SCMH1: variants seen among roughly 807,000 people sequenced by gnomAD.
SCMH1 encodes the protein Scm polycomb group protein homolog 1.
SCMH1 carries 37 observed loss-of-function variants against 70.8 expected under a neutral mutation model. That is an observed-to-expected ratio of 0.52 (90% CI 0.40 to 0.69). SCMH1 has a LOEUF of 0.69. Ranked by LOEUF, SCMH1 falls within the 30% of genes least tolerant of loss-of-function variation. SCMH1 has a pLI of 0.00. For synonymous variants in SCMH1, 292 were observed against 307.4 expected (o/e 0.95, Z 0.52); for missense variants, 607 against 827.3 (o/e 0.73, Z 3.27).
chr1:41,060,063 G>A (rs1461709851), intron 10 of SCMH1, among the ~76,000 whole-genome samples: 1 of 151,208 alleles, frequency 6.6e-6, no homozygotes, highest in African/African-American at 2.4e-5. Context: ...TATAACAGAT[G>A]TAATCTATAT....
intron 8 of SCMH1, among the ~76,000 whole-genome samples, chr1:41,094,920 A>T (rs551831755): frequency 6.6e-6 from 1 of 151,952 alleles, no homozygotes; most frequent in South Asian, 2.1e-4. Flanking sequence ...TTTCCTAGAC[A>T]GCCATATCTC....
chr1:41,027,427 T>TGG (rs2148469236), exon 15 of SCMH1: 1 of 152,288 alleles, frequency 6.6e-6, no homozygotes, highest in South Asian at 2.1e-4. Flanking sequence ...GGAGCTGTGG[T>TGG]GGGGGCAGTA....
Position 41,042,832 on chromosome 1 carries a change from G to C in SCMH1, c.1498+3575C>G, listed in dbSNP as rs182663672. The stretch of plus-strand genomic sequence containing the variant: ...TAGTATAGAATCGGGCACAGAGTAA[G>C]TATTTGTAAATATTTGATGACCTAA... On this transcript the variant is annotated intron_variant, in intron 12 of 14. Transcript: ENST00000337495. 3.0e-4 allele frequency among the ~76,000 whole-genome samples: 46 copies of C among 152,136 alleles called. 1 individual carries two copies. The highest frequency in any genetic ancestry group is 9.4e-4 in the African/African-American group (39 of 41,472).
chr1:41,094,559 TCTCC>T (rs1419307163), intron 8 of SCMH1, among the ~76,000 whole-genome samples: 1 of 151,976 alleles, frequency 6.6e-6, no homozygotes, highest in Non-Finnish European at 1.5e-5. Context: ...AGAATTTCTT[TCTCC>T]CTCTTAGTGG....
chr1:41,053,647 T>G (rs1013765946), intron 10 of SCMH1, among the ~76,000 whole-genome samples: 12 of 152,194 alleles, frequency 7.9e-5, no homozygotes, highest in African/African-American at 2.7e-4. Context: ...TTGTGGTGGT[T>G]GTTACATGGC....
intron 8 of SCMH1, among the ~76,000 whole-genome samples, chr1:41,092,668 A>G (rs1346594351): frequency 6.6e-6 from 1 of 152,234 alleles, no homozygotes; most frequent in Non-Finnish European, 1.5e-5. Flanking sequence ...ACTTAAACAA[A>G]TTTACAAGAA....
intron 10 of SCMH1, 64 bp downstream of exon 10, chr1:41,070,531 C>T: frequency 7.5e-6 from 12 of 1,593,736 alleles, no homozygotes; most frequent in Non-Finnish European, 1.0e-5. Flanking sequence ...TGGTGTAAGA[C>T]AAAAGAAAGT....
chr1:41,134,076 G>A (rs927702130), intron 6 of SCMH1, among the ~76,000 whole-genome samples: 6 of 152,052 alleles, frequency 3.9e-5, no homozygotes, highest in East Asian at 1.9e-4. Flanking sequence ...ATCAAAAAGC[G>A]TATCCACAAC....
chr1:41,041,866 C>CA (rs892604466), intron 12 of SCMH1, among the ~76,000 whole-genome samples: 7 of 152,320 alleles, frequency 4.6e-5, no homozygotes, highest in African/African-American at 1.4e-4. Context: ...ACAGCAGACT[C>CA]AGAGTTTAAT....
intron 2 of SCMH1, among the ~76,000 whole-genome samples, chr1:41,166,122 T>C (rs535645136): frequency 4.0e-5 from 6 of 151,798 alleles, no homozygotes; most frequent in Admixed American, 6.6e-5. Context: ...TTCCTCAATG[T>C]GTGTTCCTGT....
At position 41,113,238 on chromosome 1, in the gene SCMH1, T is replaced by C. The variant is rs1453863995; in HGVS notation, c.745+45A>G. Reference sequence around the variant, plus strand: ...CATGACAGCCCTGGGTAGTCTCCCTTATCATCTGGGTCCTGATTTCAAGAG... The same window carrying C: ...CATGACAGCCCTGGGTAGTCTCCCTCATCATCTGGGTCCTGATTTCAAGAG... On this transcript the variant is annotated intron_variant, in intron 8 of 14. Coordinates refer to ENST00000337495, the Ensembl canonical transcript of SCMH1. The surrounding 1 kb of genome is among the most constrained non-coding windows in gnomAD (Gnocchi z 4.3). 1.3e-6 allele frequency: 2 copies of C among 1,593,292 alleles called. No homozygotes were observed. Among genetic ancestry groups the C allele is most frequent in the African/African-American group, 2.7e-5 (2 of 74,264 alleles).
chr1:41,038,880 A>T (rs532508570), intron 12 of SCMH1, among the ~76,000 whole-genome samples: 6 of 152,266 alleles, frequency 3.9e-5, no homozygotes, highest in Admixed American at 2.6e-4. Flanking sequence ...CCTGCCTTTC[A>T]CTAGGTATGT....
intron 8 of SCMH1, among the ~76,000 whole-genome samples, chr1:41,106,183 T>C (rs1667865229): frequency 6.6e-6 from 1 of 151,782 alleles, no homozygotes; most frequent in African/African-American, 2.4e-5. Context: ...CCAATAGTTC[T>C]TGATTTAGTT....
intron 8 of SCMH1, chr1:41,098,505 T>TA (rs1376849740): frequency 1.3e-5 from 2 of 152,158 alleles, no homozygotes; most frequent in African/African-American, 4.8e-5. Flanking sequence ...AAACAAAGAC[T>TA]AATGGAAGTT....
intron 6 of SCMH1, among the ~76,000 whole-genome samples, chr1:41,122,224 A>G (rs1393550959): frequency 6.6e-6 from 1 of 152,182 alleles, no homozygotes; most frequent in East Asian, 1.9e-4. Flanking sequence ...CTTACTCCTC[A>G]TTACTCATCT....
At chr1:41,096,736 C>T (rs1665179246) in intron 8 of SCMH1, among the ~76,000 whole-genome samples, 1 of 152,162 alleles carries the variant, frequency 6.6e-6, no homozygotes, top group Non-Finnish European at 1.5e-5. Context: ...CCATAGTGGA[C>T]CAACATGACT....
Position 41,048,883 on chromosome 1 carries a change from G to GATACAAACTATGGGAGACA in SCMH1, c.1106-12_1112dup (p.Tyr372ValfsTer20), listed in dbSNP as rs1322526033. ...CTGTGCTGCCATTCTTGTTCAAGTA[G>GATACAAACTATGGGAGACA]ATACAAACTATGGGAGACAAAGAAT... On this transcript the variant is annotated frameshift_variant, in exon 11 of 15. Transcript: ENST00000337495. LOFTEE classifies it high-confidence loss of function. The GATACAAACTATGGGAGACA allele has an allele frequency of 6.2e-7, 1 of 1,612,982 alleles. No individual in the cohort carries two copies.
At chr1:41,055,783 G>A (rs1016303165) in intron 10 of SCMH1, among the ~76,000 whole-genome samples, 3 of 152,128 alleles carry the variant, frequency 2.0e-5, no homozygotes, top group East Asian at 1.9e-4. Context: ...TTCACAGGTC[G>A]TCGGGACAAG....
rs907902161 is a variant in SCMH1, at chr1:41,069,705, T to C, written c.1105+890A>G. 5.9e-5 allele frequency among the ~76,000 whole-genome samples: 9 copies of C among 152,166 alleles called. 1 individual carries two copies. Among genetic ancestry groups the C allele is most frequent in the Non-Finnish European group, 1.0e-4 (7 of 68,016 alleles). Reference sequence around the variant, plus strand: ...AACTGAGGCTCAGACAGGGAAGTGATATCAAAGTCACACAAAGTGAATCAA... The same window carrying C: ...AACTGAGGCTCAGACAGGGAAGTGACATCAAAGTCACACAAAGTGAATCAA... On this transcript the variant is annotated intron_variant, in intron 10 of 14. Coordinates refer to ENST00000337495, the Ensembl canonical transcript of SCMH1.
Sources: gnomAD v4.1 joint callset for allele counts (sites outside exome capture counted in the v4.1 genomes callset) on GRCh38, gnomAD v4.1.1 for gene constraint, Gnocchi (gnomAD v3.1) non-coding constraint, MANE v1.5 for transcripts, NCBI Gene and HGNC (gene_info 2026-07-23, HGNC 2026-07-21) for gene names.